BCL7A: variants seen among roughly 807,000 people sequenced by gnomAD.
The protein encoded by BCL7A is B-cell CLL/lymphoma 7 protein family member A.
Under a neutral mutation model 28.4 loss-of-function variants are expected in BCL7A, and 11 were observed. That is an observed-to-expected ratio of 0.39 (90% CI 0.24 to 0.64). BCL7A has a LOEUF of 0.64. Among genes scored for constraint, BCL7A ranks in the 30% least tolerant of loss-of-function variants. BCL7A has a pLI of 0.50. For synonymous variants in BCL7A, 123 were observed against 103.3 expected, an observed-to-expected ratio of 1.19 and a Z score of -1.15; for missense variants, 222 against 274.8, an observed-to-expected ratio of 0.81 and a Z score of 1.36.
intron 4 of BCL7A, among the ~76,000 whole-genome samples, chr12:122,050,872 C>T (rs1884178723): frequency 6.6e-6 from 1 of 152,356 alleles, no homozygotes; most frequent in South Asian, 2.1e-4. Context: ...CAGCAAAGTG[C>T]TCGGCCTGGA....
At chr12:122,030,073 CAG>C (rs1412413294) in intron 1 of BCL7A, among the ~76,000 whole-genome samples, 1 of 152,134 alleles carries the variant, frequency 6.6e-6, no homozygotes, top group Non-Finnish European at 1.5e-5. Flanking sequence ...AGCCCTGAAT[CAG>C]GGGTGCAGTT....
At chr12:122,023,062 G>C (rs1883508781) in intron 1 of BCL7A, among the ~76,000 whole-genome samples, 2 of 152,160 alleles carry the variant, frequency 1.3e-5, no homozygotes, top group African/African-American at 4.8e-5. Flanking sequence ...GCCGCGCGTG[G>C]TTTTCGGGAT....
chr12:122,028,891 T>C (rs529366698), intron 1 of BCL7A, among the ~76,000 whole-genome samples: 1 of 152,298 alleles, frequency 6.6e-6, no homozygotes, highest in East Asian at 1.9e-4. Flanking sequence ...ACTCGGTCTC[T>C]TCTGGACACC....
At chr12:122,027,258 T>C (rs1883648681) in intron 1 of BCL7A, among the ~76,000 whole-genome samples, 1 of 152,272 alleles carries the variant, frequency 6.6e-6, no homozygotes, top group African/African-American at 2.4e-5. Flanking sequence ...TGGATTCTTA[T>C]GCAAAGCCTG....
At chr12:122,024,153 G>A (rs1883554310) in intron 1 of BCL7A, among the ~76,000 whole-genome samples, 1 of 152,220 alleles carries the variant, frequency 6.6e-6, no homozygotes, top group African/African-American at 2.4e-5. Flanking sequence ...GAGCTTGAGG[G>A]GCTGTACCTC....
intron 4 of BCL7A, among the ~76,000 whole-genome samples, chr12:122,052,840 G>A (rs529220496): frequency 6.2e-5 from 7 of 112,702 alleles, no homozygotes; most frequent in African/African-American, 1.0e-4. Context: ...GCGACACCAC[G>A]CCTGGCTTAC....
intron 3 of BCL7A, among the ~76,000 whole-genome samples, chr12:122,042,999 C>A (rs951171595): frequency 7.9e-5 from 12 of 151,738 alleles, no homozygotes; most frequent in Admixed American, 7.2e-4. Context: ...GTCATCTCCC[C>A]TCCCCCAACT....
intron 1 of BCL7A, among the ~76,000 whole-genome samples, chr12:122,027,484 G>A (rs1883652682): frequency 6.6e-6 from 1 of 152,126 alleles, no homozygotes; most frequent in Non-Finnish European, 1.5e-5. Context: ...AGGCTGCAGT[G>A]AGCAGTGATC....
chr12:122,039,159 T>C (rs1883916697), intron 3 of BCL7A, among the ~76,000 whole-genome samples: 3 of 151,780 alleles, frequency 2.0e-5, no homozygotes, highest in South Asian at 2.1e-4. Flanking sequence ...TAGCCAGGCG[T>C]GGTGGCTGGT....
In BCL7A at chr12:122,021,949, T is replaced by TGTGTGTGTGA; in HGVS notation, c.-135_-126dup. On this transcript the variant is annotated 5_prime_UTR_variant, in exon 1 of 6. Coordinates refer to ENST00000261822, the MANE Select transcript of BCL7A (RefSeq NM_001024808.3). ...GTGTGTATGTGTGTGTGTGTGTGTG[T>TGTGTGTGTGA]GTGTGTGTGAGTGTGTGCGTGTGAG... is the stretch of plus-strand genomic sequence containing the variant. 1 of 587,508 alleles carries TGTGTGTGTGA rather than the reference T, an allele frequency of 1.7e-6. No individual in the cohort carries two copies. Among genetic ancestry groups the TGTGTGTGTGA allele is most frequent in the East Asian group, 3.2e-5 (1 of 31,448 alleles). 36.4% of individuals were successfully genotyped at this position (587,508 alleles called of 1,614,324 possible). A position where few individuals can be genotyped will look rare whatever the true frequency, so the allele number is the denominator to read the frequency against.
At chr12:122,054,222 C>T (rs1276379315) in intron 4 of BCL7A, among the ~76,000 whole-genome samples, 4 of 152,030 alleles carry the variant, frequency 2.6e-5, no homozygotes, top group Non-Finnish European at 5.9e-5. Flanking sequence ...GTAGGTGGGA[C>T]TACAGGCGCC....
chr12:122,035,244 T>C (rs1883826274), intron 2 of BCL7A, 87 bp from the exon 3 acceptor site: 1 of 1,268,024 alleles, frequency 7.9e-7, no homozygotes, highest in African/African-American at 1.5e-5. Flanking sequence ...TGGAATAAAA[T>C]ATTCACACCA....
intron 5 of BCL7A, among the ~76,000 whole-genome samples, chr12:122,057,494 G>A (rs915903523): frequency 1.3e-5 from 2 of 152,164 alleles, no homozygotes; most frequent in African/African-American, 4.8e-5. Flanking sequence ...TTGGCCACAA[G>A]CAGGCTGCTC....
intron 4 of BCL7A, among the ~76,000 whole-genome samples, chr12:122,050,100 A>G (rs1884159107): frequency 6.6e-6 from 1 of 151,998 alleles, no homozygotes; most frequent in South Asian, 2.1e-4. Flanking sequence ...CCTCAGCCTC[A>G]CGAGTAGCTG....
rs773013009 is a variant in BCL7A at position 122,054,881 on chromosome 12, G to T, written c.516G>T (p.Pro172=). Residue 172 remains proline (P), a synonymous_variant, in exon 5 of 6, where the codon CCG becomes CCT. Transcript: ENST00000261822. The part of the protein sequence containing the change: ...MNSSEKVDRQ[P]SGDSGLAAET... The stretch of plus-strand genomic sequence containing the variant: ...GCTCAGAGAAAGTAGATCGGCAGCC[G>T]TCTGGAGACTCGGGTCTGGCCGCAG... The T allele has an allele frequency of 2.1e-5, 34 of 1,614,192 alleles. No individual in the cohort carries two copies. The highest frequency in any genetic ancestry group is 2.8e-5 in the Non-Finnish European group (33 of 1,180,042).
chr12:122,030,298 A>AC (rs1030337163), intron 1 of BCL7A, among the ~76,000 whole-genome samples: 1 of 151,956 alleles, frequency 6.6e-6, no homozygotes, highest in Non-Finnish European at 1.5e-5. Flanking sequence ...TGACGACTCC[A>AC]CCCCCCATGA....
Position 122,021,989 on chromosome 12 carries a change from T to A in BCL7A, c.-103T>A. 7 of 862,458 alleles carry A rather than the reference T, an allele frequency of 8.1e-6. No individual in the cohort carries two copies. The highest frequency in any genetic ancestry group is 2.9e-5 in the East Asian group (1 of 34,738). 53.4% of individuals were successfully genotyped at this position (862,458 alleles called of 1,614,324 possible). ...GTGCGTGTGAGAGTGCGAGTGTCTG[T>A]GCGCGAGTGAGTGAGCGGCGGGCGG... On this transcript the variant is annotated 5_prime_UTR_variant, in exon 1 of 6. Coordinates refer to ENST00000261822, the MANE Select transcript of BCL7A (RefSeq NM_001024808.3).
chr12:122,036,609 AAC>A (rs1883861331), intron 3 of BCL7A, among the ~76,000 whole-genome samples: 2 of 152,010 alleles, frequency 1.3e-5, no homozygotes, highest in Admixed American at 6.5e-5. Context: ...CCCAGGTCAA[AAC>A]ACAGAACGTT....
chr12:122,044,659 C>A (rs1004896698), intron 4 of BCL7A, among the ~76,000 whole-genome samples: 4 of 151,894 alleles, frequency 2.6e-5, no homozygotes, highest in African/African-American at 4.8e-5. Context: ...CCTGTCTCTA[C>A]AAAAAAATGC....
Sources: allele counts gnomAD v4.1 joint callset (sites outside exome capture counted in the v4.1 genomes callset), GRCh38; gene constraint gnomAD v4.1.1; transcripts MANE v1.5; gene names NCBI Gene and HGNC (gene_info 2026-07-23, HGNC 2026-07-21).